The following COBL variants were observed in gnomAD, a reference collection of about 807,000 sequenced individuals.
The protein encoded by COBL is cordon-bleu WH2 repeat protein.
Under a neutral mutation model 98.8 loss-of-function variants are expected in COBL, and 51 were observed. That is an observed-to-expected ratio of 0.52 (90% CI 0.41 to 0.65). The LOEUF is 0.65. Among genes scored for constraint, COBL ranks in the 30% least tolerant of loss-of-function variants. COBL has a pLI of 0.00. For synonymous variants in COBL, 634 were observed against 651.7 expected, an observed-to-expected ratio of 0.97 and a Z score of 0.41; for missense variants, 1,617 against 1,617.5, an observed-to-expected ratio of 1.00 and a Z score of 0.01.
intron 1 of COBL, among the ~76,000 whole-genome samples, chr7:51,307,447 A>G (rs11762519): frequency 0.34 from 51,954 of 152,104 alleles, 9,924 homozygotes; most frequent in South Asian, 0.44. Context: ...GACCTCCCAC[A>G]CACAAGGAGC....
chr7:51,154,316 T>A (rs1368084122), intron 5 of COBL, among the ~76,000 whole-genome samples: 1 of 152,178 alleles, frequency 6.6e-6, no homozygotes, highest in African/African-American at 2.4e-5. Context: ...CAGACCAATG[T>A]GCTATGAGCG....
chr7:51,027,715 G>C lies in COBL; in HGVS notation c.3381C>G (p.Arg1127=). The C allele has an allele frequency of 6.2e-7, 1 of 1,611,302 alleles. No homozygotes were observed. The highest frequency in any genetic ancestry group is 1.3e-5 in the African/African-American group (1 of 75,008). The change falls in exon 10 of 13, where the codon CGC becomes CGG. Residue 1127 remains arginine, a synonymous_variant. Coordinates refer to ENST00000265136, the MANE Select transcript of COBL (RefSeq NM_015198.5). ...IHSAGGKDRL[R]KTAEHTGEGR... ...CCCCGGAAGCCGCCATCCTCACCTT[G>C]CGTAGTCTGTCCTTCCCTCCCGCAG...
chr7:51,090,219 G>T (rs78979471), intron 6 of COBL, among the ~76,000 whole-genome samples: 1 of 152,082 alleles, frequency 6.6e-6, no homozygotes, highest in Admixed American at 6.5e-5. Flanking sequence ...AGGAAGCCCC[G>T]CACCTCAGTT....
chr7:51,284,564 C>T (rs1228709955), intron 1 of COBL, among the ~76,000 whole-genome samples: 1 of 151,442 alleles, frequency 6.6e-6, no homozygotes, highest in Non-Finnish European at 1.5e-5. Context: ...CATGGTGGCT[C>T]ATGCCTGTAA....
At chr7:51,078,677 G>T (rs558991479) in intron 7 of COBL, among the ~76,000 whole-genome samples, 28 of 152,340 alleles carry the variant, frequency 1.8e-4, no homozygotes, top group African/African-American at 6.5e-4. Context: ...TGGCTTTGCT[G>T]GGTGCCTCTG....
chr7:51,026,381 G>A (rs1787554235), intron 11 of COBL, among the ~76,000 whole-genome samples, 165 bp downstream of exon 11: 2 of 152,228 alleles, frequency 1.3e-5, no homozygotes. Flanking sequence ...GGAGCAGGGT[G>A]TCCACCCCAG....
intron 1 of COBL, among the ~76,000 whole-genome samples, chr7:51,301,746 C>G (rs1486343674): frequency 6.6e-6 from 1 of 152,236 alleles, no homozygotes; most frequent in East Asian, 1.9e-4. Context: ...ATCCAGGCAT[C>G]TAAGCCATCT....
chr7:51,293,489 T>C (rs1211111618), intron 1 of COBL, among the ~76,000 whole-genome samples: 1 of 152,102 alleles, frequency 6.6e-6, no homozygotes, highest in Non-Finnish European at 1.5e-5. Flanking sequence ...AGATGCCACC[T>C]ACATAAATAA....
chr7:51,093,865 G>A (rs1795033522), intron 6 of COBL, among the ~76,000 whole-genome samples: 1 of 151,408 alleles, frequency 6.6e-6, no homozygotes, highest in Admixed American at 6.6e-5. Context: ...CTGCATTCCA[G>A]CCTGGGCGAT....
chr7:51,270,333 A>T (rs1387253932), intron 1 of COBL, among the ~76,000 whole-genome samples: 1 of 152,168 alleles, frequency 6.6e-6, no homozygotes, highest in Non-Finnish European at 1.5e-5. Context: ...TCAAAACAAG[A>T]TCTCCTCCAA....
intron 7 of COBL, among the ~76,000 whole-genome samples, chr7:51,082,071 A>G (rs1019951652): frequency 1.8e-4 from 28 of 152,194 alleles, no homozygotes; most frequent in African/African-American, 6.0e-4. Flanking sequence ...GAGAAAGTCA[A>G]TAAGTAATCC....
intron 5 of COBL, among the ~76,000 whole-genome samples, chr7:51,151,272 G>A (rs530626294): frequency 1.8e-4 from 28 of 152,250 alleles, no homozygotes; most frequent in Admixed American, 3.9e-4. Context: ...CTGTATAAAC[G>A]CTGTATGTCA....
chr7:51,123,619 T>C (rs1797937331), intron 6 of COBL, among the ~76,000 whole-genome samples: 1 of 152,214 alleles, frequency 6.6e-6, no homozygotes, highest in Non-Finnish European at 1.5e-5. Flanking sequence ...CTGTGAATGA[T>C]GGAGCAGGGG....
rs563202735 is a variant in COBL, at chr7:51,298,809, C to T, written c.41+17784G>A. On this transcript the variant is annotated intron_variant, in intron 1 of 12. Transcript: ENST00000265136. ...ACTGCACCACTAACATGATACTGTA[C>T]CATCCAAAACTGTAAACAAGCCTAC... Among the ~76,000 whole-genome samples the T allele has an allele frequency of 2.6e-5, 4 of 152,310 alleles. No individual in the cohort carries two copies. The South Asian group carries it at 8.3e-4, about 32-fold the overall frequency.
chr7:51,286,069 C>T (rs1457947027), intron 1 of COBL, among the ~76,000 whole-genome samples: 1 of 152,048 alleles, frequency 6.6e-6, no homozygotes, highest in African/African-American at 2.4e-5. Context: ...AGAAGAACTT[C>T]GACCTAAGTC....
intron 2 of COBL, among the ~76,000 whole-genome samples, chr7:51,207,923 G>T (rs1791930875): frequency 6.7e-6 from 1 of 149,802 alleles, no homozygotes; most frequent in Admixed American, 6.7e-5. Flanking sequence ...CCTCTGCCTG[G>T]CTGCCCAGTC....
At chr7:51,166,758 G>T (rs1338911650) in intron 5 of COBL, among the ~76,000 whole-genome samples, 1 of 152,004 alleles carries the variant, frequency 6.6e-6, no homozygotes, top group Non-Finnish European at 1.5e-5. Context: ...ATTCATTGTG[G>T]TCAAGAGACA....
At chr7:51,235,778 G>A (rs1795200036) in intron 1 of COBL, among the ~76,000 whole-genome samples, 1 of 152,080 alleles carries the variant, frequency 6.6e-6, no homozygotes, top group African/African-American at 2.4e-5. Flanking sequence ...TTGTAAGTCA[G>A]GCAGTGAGCT....
intron 7 of COBL, among the ~76,000 whole-genome samples, chr7:51,056,440 T>C (rs867731820): frequency 6.6e-6 from 1 of 152,118 alleles, no homozygotes; most frequent in Admixed American, 6.5e-5. Context: ...AATGGCAGCA[T>C]TGAAACCTGA....
Sources: allele counts gnomAD v4.1 joint callset (sites outside exome capture counted in the v4.1 genomes callset), GRCh38; gene constraint gnomAD v4.1.1; transcripts MANE v1.5; gene names NCBI Gene and HGNC (gene_info 2026-07-23, HGNC 2026-07-21).